SYT14: variants seen among roughly 807,000 people sequenced by gnomAD.
SYT14 encodes the protein synaptotagmin 14.
In SYT14, 32 loss-of-function variants were observed where a neutral mutation model predicts 74.2. That is an observed-to-expected ratio of 0.43 (90% CI 0.33 to 0.58). The LOEUF is 0.58. Among genes scored for constraint, SYT14 ranks in the 20% least tolerant of loss-of-function variants. The pLI is 0.05. For missense variants in SYT14, 791 were observed against 981.8 expected, an observed-to-expected ratio of 0.81 and a Z score of 2.60; for synonymous variants, 298 against 337.7, an observed-to-expected ratio of 0.88 and a Z score of 1.29.
chr1:210,148,478 C>G (rs1455724753), intron 7 of SYT14, among the ~76,000 whole-genome samples: 1 of 149,704 alleles, frequency 6.7e-6, no homozygotes, highest in Non-Finnish European at 1.5e-5. Flanking sequence ...CACTGCACTC[C>G]AGCCTGGGCG....
chr1:209,991,168 G>C (rs2079678504), intron 2 of SYT14, among the ~76,000 whole-genome samples: 1 of 152,102 alleles, frequency 6.6e-6, no homozygotes, highest in African/African-American at 2.4e-5. Context: ...TCCTGAAGCT[G>C]CAAAAAGTGT....
intron 2 of SYT14, among the ~76,000 whole-genome samples, chr1:209,962,518 G>C (rs2079092234): frequency 6.6e-6 from 1 of 152,060 alleles, no homozygotes; most frequent in African/African-American, 2.4e-5. Flanking sequence ...AGAAGGTGGA[G>C]ATCATGGAGC....
intron 7 of SYT14, among the ~76,000 whole-genome samples, chr1:210,152,007 A>G (rs1049059163): frequency 6.6e-6 from 1 of 152,222 alleles, no homozygotes; most frequent in East Asian, 1.9e-4. Flanking sequence ...AATGTATCTC[A>G]CAATATTCTA....
intron 7 of SYT14, among the ~76,000 whole-genome samples, chr1:210,145,704 C>T (rs955127340): frequency 6.6e-6 from 1 of 152,164 alleles, no homozygotes; most frequent in African/African-American, 2.4e-5. Flanking sequence ...TATACACATG[C>T]CACTCCAGAC....
chr1:210,132,631 G>A (rs943862115), intron 7 of SYT14, among the ~76,000 whole-genome samples: 6 of 147,068 alleles, frequency 4.1e-5, no homozygotes, highest in Non-Finnish European at 7.5e-5. Flanking sequence ...TGACCATTAC[G>A]CACATGTGGC....
At chr1:210,056,540 GCA>G (rs1240475888) in intron 5 of SYT14, among the ~76,000 whole-genome samples, 2 of 151,488 alleles carry the variant, frequency 1.3e-5, no homozygotes, top group Non-Finnish European at 2.9e-5. Flanking sequence ...TTGGGGCCGG[GCA>G]CAGTGGCTCA....
intron 2 of SYT14, among the ~76,000 whole-genome samples, chr1:209,998,122 T>G (rs1466961870): frequency 6.6e-6 from 1 of 152,082 alleles, no homozygotes; most frequent in Non-Finnish European, 1.5e-5. Flanking sequence ...ATTTCTAGGG[T>G]TTTTTTGTTT....
rs1322106210 is a variant in SYT14, at chr1:210,087,027, CCTTT to C, written c.1313-7293_1313-7290del. Among the ~76,000 whole-genome samples, 4 of 152,330 alleles carry C rather than the reference CCTTT, an allele frequency of 2.6e-5. No homozygotes were observed. In the South Asian group the frequency reaches 6.2e-4, roughly 24 times the overall value. ...GTTTGAGTTTGGATATCTCATGCTG[CCTTT>C]CCCACTTGTGGGTGTCCTCATGACC... On this transcript the variant is annotated intron_variant, in intron 5 of 9. Coordinates refer to ENST00000637265, the Ensembl canonical transcript of SYT14.
At chr1:210,021,116 G>A in exon 5 of SYT14, 1 of 1,613,946 alleles carries the variant, frequency 6.2e-7, no homozygotes, top group Non-Finnish European at 8.5e-7. Flanking sequence ...ATATCATGAG[G>A]CCTTATCCAG....
At chr1:210,099,234 A>G (rs926604067) in intron 6 of SYT14, among the ~76,000 whole-genome samples, 1 of 152,204 alleles carries the variant, frequency 6.6e-6, no homozygotes, top group Non-Finnish European at 1.5e-5. Flanking sequence ...CATTCTAGAT[A>G]GATAGACTGG....
At chr1:209,964,121 T>C (rs1490100482) in intron 2 of SYT14, among the ~76,000 whole-genome samples, 1 of 152,102 alleles carries the variant, frequency 6.6e-6, no homozygotes, top group African/African-American at 2.4e-5. Context: ...TGGGAGGTGA[T>C]TGGATCATGG....
intron 7 of SYT14, among the ~76,000 whole-genome samples, chr1:210,116,122 C>T (rs1301043586): frequency 1.3e-5 from 2 of 152,004 alleles, no homozygotes; most frequent in Admixed American, 6.6e-5. Context: ...AGGCAGGAAC[C>T]AGCCATTTTC....
intron 5 of SYT14, among the ~76,000 whole-genome samples, chr1:210,041,884 T>TAA (rs899660200): frequency 3.3e-5 from 5 of 152,060 alleles, no homozygotes; most frequent in African/African-American, 1.2e-4. Context: ...CCTAGGTAGA[T>TAA]AGAGTCTTGT....
chr1:210,087,099 A>G (rs1407112234), intron 5 of SYT14, among the ~76,000 whole-genome samples: 1 of 151,972 alleles, frequency 6.6e-6, no homozygotes, highest in Non-Finnish European at 1.5e-5. Flanking sequence ...CTTGCCCCAC[A>G]TTGGGTGCCC....
At position 210,016,167 on chromosome 1, in the gene SYT14, G is replaced by A. The variant is rs901609294; in HGVS notation, c.164G>A (p.Arg55His). Residue 55 changes from arginine to histidine, a missense_variant, in exon 4 of 10, where the codon CGC becomes CAC. Arg to His is a conservative substitution (Grantham distance 29). Coordinates refer to ENST00000637265, the Ensembl canonical transcript of SYT14. Reference sequence around the variant, plus strand: ...GTAACAAGTATGATGAGTGGCTTTCGCCCAGAAGAGGAAAGCTCTGTAGCA... The same window carrying A: ...GTAACAAGTATGATGAGTGGCTTTCACCCAGAAGAGGAAAGCTCTGTAGCA... 32 of 1,231,966 alleles carry A rather than the reference G, an allele frequency of 2.6e-5. No homozygotes were observed. In the Admixed American group the frequency reaches 7.6e-4, roughly 29 times the overall value. 76.3% of individuals were successfully genotyped at this position (1,231,966 alleles called of 1,614,324 possible).
chr1:210,135,083 T>C (rs1304778129), intron 7 of SYT14, among the ~76,000 whole-genome samples: 1 of 151,924 alleles, frequency 6.6e-6, no homozygotes, highest in Non-Finnish European at 1.5e-5. Context: ...CGGGTTGAAG[T>C]GATTCTTCTA....
chr1:210,063,266 G>GCATT (rs1020919212), intron 5 of SYT14, among the ~76,000 whole-genome samples: 2 of 151,524 alleles, frequency 1.3e-5, no homozygotes, highest in African/African-American at 4.8e-5. Context: ...TGGAGATCTA[G>GCATT]CATTCTTCTT....
At chr1:210,161,092 C>G (rs2083365082) in exon 10 of SYT14, 1 of 1,576,358 alleles carries the variant, frequency 6.3e-7, no homozygotes. Flanking sequence ...ATTTCCAATT[C>G]CAACATTACT....
Position 209,990,547 on chromosome 1 carries a change from A to ATG in SYT14, c.-485-23084_-485-23083dup, listed in dbSNP as rs1553262363. ...CACATATATATATATACGTATATAT[A>ATG]TGTATATATATACGTATATATATGT... On this transcript the variant is annotated intron_variant, in intron 2 of 9. Transcript: ENST00000637265. 2.6e-3 allele frequency among the ~76,000 whole-genome samples: 13 copies of ATG among 4,952 alleles called. 1 individual carries two copies. The highest frequency in any genetic ancestry group is 5.0e-3 in the African/African-American group (4 of 798). 3.2% of individuals were successfully genotyped at this position (4,952 alleles called of 152,430 possible). A position where few individuals can be genotyped will look rare whatever the true frequency, so the allele number is the denominator to read the frequency against.
Sources: gnomAD v4.1 joint callset for allele counts (sites outside exome capture counted in the v4.1 genomes callset) on GRCh38, gnomAD v4.1.1 for gene constraint, MANE v1.5 for transcripts, NCBI Gene and HGNC (gene_info 2026-07-23, HGNC 2026-07-21) for gene names.